The following HERC2 variants were observed in gnomAD, a reference collection of about 807,000 sequenced individuals.
HERC2 encodes the protein E3 ubiquitin-protein ligase HERC2.
Under a neutral mutation model 537.7 loss-of-function variants are expected in HERC2, and 102 were observed. The ratio of observed to expected loss-of-function variants is 0.19; its 90% CI spans 0.16 to 0.22. The LOEUF (loss-of-function observed/expected upper bound fraction) is 0.22, where lower values mean the gene tolerates loss of function less well. Ranked by LOEUF, HERC2 falls within the 10% of genes least tolerant of loss-of-function variation. The pLI, the probability that HERC2 is intolerant of heterozygous loss-of-function variation, is 1.00. For synonymous variants in HERC2, 2,224 were observed against 2,466.2 expected (o/e 0.90, Z 2.91); for missense variants, 4,236 against 6,198.2 (o/e 0.68, Z 10.63).
At chr15:28,150,144 G>C (rs1327397318) in intron 70 of HERC2, among the ~76,000 whole-genome samples, 2 of 151,436 alleles carry the variant, frequency 1.3e-5, no homozygotes, top group Non-Finnish European at 2.9e-5. Flanking sequence ...ACTGAGAATA[G>C]CCGCACAAAT....
At chr15:28,299,120 T>G (rs1413608233) in intron 3 of HERC2, among the ~76,000 whole-genome samples, 2 of 152,084 alleles carry the variant, frequency 1.3e-5, no homozygotes, top group African/African-American at 2.4e-5. Context: ...GGCATTTCCT[T>G]GCAGGCCAAA....
intron 3 of HERC2, among the ~76,000 whole-genome samples, chr15:28,295,312 G>T (rs1321353947): frequency 2.2e-5 from 3 of 139,064 alleles, no homozygotes; most frequent in Non-Finnish European, 3.2e-5. Context: ...TGTGTGTGGG[G>T]GGGGGGGAGT....
intron 35 of HERC2, among the ~76,000 whole-genome samples, chr15:28,224,872 T>C (rs996617293): frequency 2.0e-5 from 3 of 151,810 alleles, no homozygotes; most frequent in Non-Finnish European, 4.4e-5. Flanking sequence ...TATATGAAAA[T>C]TAAACAACAC....
intron 35 of HERC2, among the ~76,000 whole-genome samples, chr15:28,222,745 T>C (rs891978855): frequency 1.1e-4 from 17 of 152,110 alleles, no homozygotes; most frequent in Non-Finnish European, 2.5e-4. Context: ...GCCTGAACTG[T>C]CTGTACAAAC....
chr15:28,117,702 T>C, intron 86 of HERC2: 1 of 376,228 alleles, frequency 2.7e-6, no homozygotes, highest in Middle Eastern at 9.6e-4. Context: ...CTTCCACCCA[T>C]CCCATTTCCA....
chr15:28,142,486 C>A lies in HERC2; in HGVS notation c.11545-93G>T. 3 of 1,308,852 alleles carry A rather than the reference C, an allele frequency of 2.3e-6. No individual in the cohort carries two copies. In the South Asian group the frequency reaches 4.4e-5, roughly 19 times the overall value. The allele number at this position is 1,308,852 out of a possible 1,614,324, so 81.1% of individuals were successfully genotyped here. ...GGCTCCTTCCGCAGGACCTCCTATT[C>A]CAGGATGACGGCCATGGGCACAGCA... On this transcript the variant is annotated intron_variant, in intron 75 of 92. Coordinates refer to ENST00000261609, the MANE Select transcript of HERC2 (RefSeq NM_004667.6).
At chr15:28,223,485 G>A (rs1463689836) in intron 35 of HERC2, among the ~76,000 whole-genome samples, 1 of 152,126 alleles carries the variant, frequency 6.6e-6, no homozygotes, top group Admixed American at 6.5e-5. Flanking sequence ...AGGGGAAACA[G>A]CCTTTCCTTT....
intron 70 of HERC2, among the ~76,000 whole-genome samples, chr15:28,152,123 G>A (rs1484224115): frequency 6.6e-6 from 1 of 152,162 alleles, no homozygotes; most frequent in African/African-American, 2.4e-5. Context: ...GGAACTTATG[G>A]GCCTCCGAAT....
chr15:28,238,876 A>G, intron 23 of HERC2, 104 bp from the exon 24 acceptor site: 1 of 829,308 alleles, frequency 1.2e-6, no homozygotes, highest in Non-Finnish European at 2.1e-6. Context: ...CAAACCCACA[A>G]TCACAATGGG....
At chr15:28,251,488 C>CA (rs1307240611) in intron 20 of HERC2, among the ~76,000 whole-genome samples, 3 of 144,736 alleles carry the variant, frequency 2.1e-5, no homozygotes, top group Non-Finnish European at 3.0e-5. Flanking sequence ...AAAAAAAAAA[C>CA]AAAAAAACAC....
At chr15:28,134,795 C>A (rs1263736196) in intron 79 of HERC2, among the ~76,000 whole-genome samples, 4 of 151,348 alleles carry the variant, frequency 2.6e-5, no homozygotes, top group African/African-American at 4.9e-5. Context: ...CTCCACCTCC[C>A]GAGAAGCTGG....
intron 78 of HERC2, among the ~76,000 whole-genome samples, chr15:28,138,497 C>T (rs1276526623): frequency 6.6e-6 from 1 of 152,004 alleles, no homozygotes; most frequent in African/African-American, 2.4e-5. Flanking sequence ...GACTGTGCTC[C>T]AGAAATAGAA....
chr15:28,314,943 C>G (rs1257604822), intron 2 of HERC2, among the ~76,000 whole-genome samples: 1 of 152,112 alleles, frequency 6.6e-6, no homozygotes, highest in African/African-American at 2.4e-5. Flanking sequence ...CCATACACAT[C>G]TGGCAGCTTC....
chr15:28,246,835 T>C lies in HERC2; in HGVS notation c.3298A>G (p.Ile1100Val), dbSNP rs1167268547. ...GCGGCCACAGGCAGTATATCTCCAA[T>C]GTGCGTGCACAGGAGGGCTGTGTAC... is the stretch of plus-strand genomic sequence containing the variant. ...KKYTALLCTHIGDILPVAASI... is the reference protein window; with the variant it reads ...KKYTALLCTHVGDILPVAASI... The change falls in exon 22 of 93, where the codon ATT (isoleucine) becomes GTT (valine). Residue 1100 changes from isoleucine to valine, a missense_variant. Coordinates refer to ENST00000261609, the MANE Select transcript of HERC2 (RefSeq NM_004667.6). 1 of 1,611,994 alleles carries C rather than the reference T, an allele frequency of 6.2e-7. No homozygotes were observed. The highest frequency in any genetic ancestry group is 8.5e-7 in the Non-Finnish European group (1 of 1,179,210).
chr15:28,201,995 C>T (rs770620449), intron 47 of HERC2, 118 bp downstream of exon 47: 5 of 1,216,208 alleles, frequency 4.1e-6, no homozygotes, highest in Non-Finnish European at 5.9e-6. Flanking sequence ...TTTTATGGAA[C>T]AGTCCACAGT....
chr15:28,212,335 G>A lies in HERC2; in HGVS notation c.6925+110C>T, dbSNP rs554720684. 990 of 721,164 alleles carry A rather than the reference G, an allele frequency of 1.4e-3. 7 individuals are homozygous for A. In the African/African-American group the frequency reaches 0.015, roughly 11 times the overall value. The allele number at this position is 721,164 out of a possible 1,614,324, so 44.7% of individuals were successfully genotyped here. A position where few individuals can be genotyped will look rare whatever the true frequency, so the allele number is the denominator to read the frequency against. On this transcript the variant is annotated intron_variant, in intron 43 of 92. Coordinates refer to ENST00000261609, the MANE Select transcript of HERC2 (RefSeq NM_004667.6). ...GCAACTCAACAAATGGTGAGCCCAC[G>A]TGAACCCCAGGACTTTAGTACGTCC...
At chr15:28,223,833 T>C (rs980956165) in intron 35 of HERC2, among the ~76,000 whole-genome samples, 4 of 152,120 alleles carry the variant, frequency 2.6e-5, no homozygotes, top group African/African-American at 4.8e-5. Flanking sequence ...TCCTTGCTTT[T>C]TGCAGCCAGT....
chr15:28,124,830 G>A (rs1247170750), intron 84 of HERC2, among the ~76,000 whole-genome samples, 176 bp downstream of exon 84: 7 of 152,228 alleles, frequency 4.6e-5, no homozygotes, highest in Admixed American at 3.9e-4. Flanking sequence ...GATTACAGGT[G>A]TGAGCCACCA....
intron 20 of HERC2, among the ~76,000 whole-genome samples, chr15:28,250,016 G>A (rs548796919): frequency 6.6e-6 from 1 of 152,174 alleles, no homozygotes; most frequent in Admixed American, 6.5e-5. Flanking sequence ...GAACACGGAG[G>A]GGAGGAGAGC....
Sources: gnomAD v4.1 joint callset for allele counts (sites outside exome capture counted in the v4.1 genomes callset) on GRCh38, gnomAD v4.1.1 for gene constraint, MANE v1.5 for transcripts, NCBI Gene and HGNC (gene_info 2026-07-23, HGNC 2026-07-21) for gene names.